The following SLC24A2 variants were observed in gnomAD, a reference collection of about 807,000 sequenced individuals.
SLC24A2 encodes the protein solute carrier family 24 member 2.
Under a neutral mutation model 62.0 loss-of-function variants are expected in SLC24A2, and 36 were observed. That is an observed-to-expected ratio of 0.58 (90% CI 0.44 to 0.77). SLC24A2 has a LOEUF of 0.77. Among genes scored for constraint, SLC24A2 ranks in the 30% least tolerant of loss-of-function variants. The pLI is 0.00. For missense variants in SLC24A2, 846 were observed against 817.9 expected (o/e 1.03, Z -0.42); for synonymous variants, 358 against 294.0 (o/e 1.22, Z -2.23).
the SLC24A2 span, among the ~76,000 whole-genome samples, chr9:19,911,981 AT>A: frequency 6.6e-6 from 1 of 152,266 alleles, no homozygotes; most frequent in East Asian, 1.9e-4. Flanking sequence ...CTAAGGTTTT[AT>A]TTGTTTACTC....
At chr9:20,018,010 G>C in the SLC24A2 span, among the ~76,000 whole-genome samples, 1 of 152,088 alleles carries the variant, frequency 6.6e-6, no homozygotes, top group Admixed American at 6.6e-5. Flanking sequence ...GCAGTGGCAC[G>C]ATCTCGGCTC....
the SLC24A2 span, among the ~76,000 whole-genome samples, chr9:20,295,087 C>T: frequency 2.0e-5 from 3 of 151,634 alleles, no homozygotes; most frequent in African/African-American, 4.8e-5. Context: ...CACACATACA[C>T]AGTGTGTATT....
the SLC24A2 span, among the ~76,000 whole-genome samples, chr9:20,159,946 A>G: frequency 1.3e-5 from 2 of 151,588 alleles, no homozygotes; most frequent in Admixed American, 6.6e-5. Context: ...ATACAGAAAT[A>G]TCAGTAATAA....
the SLC24A2 span, among the ~76,000 whole-genome samples, chr9:19,863,984 CA>C: frequency 6.6e-6 from 1 of 151,446 alleles, no homozygotes; most frequent in Non-Finnish European, 1.5e-5. Context: ...CAAATAAAAC[CA>C]GAGATGAAAA....
At chr9:20,103,622 A>G in the SLC24A2 span, among the ~76,000 whole-genome samples, 1 of 152,206 alleles carries the variant, frequency 6.6e-6, no homozygotes, top group Non-Finnish European at 1.5e-5. Flanking sequence ...ACTCCAAGAG[A>G]CCTGGAGCTG....
At chr9:19,755,402 C>T (rs183448628) in intron 2 of SLC24A2, among the ~76,000 whole-genome samples, 1 of 152,194 alleles carries the variant, frequency 6.6e-6, no homozygotes, top group East Asian at 1.9e-4. Context: ...GTAGAACACC[C>T]CAAATTCTAA....
chr9:19,962,929 C>A, the SLC24A2 span, among the ~76,000 whole-genome samples: 1 of 152,274 alleles, frequency 6.6e-6, no homozygotes, highest in East Asian at 1.9e-4. Context: ...GCATCCCTGT[C>A]TTGTGCCAGT....
chr9:19,750,083 T>C (rs371941836), intron 2 of SLC24A2, among the ~76,000 whole-genome samples: 18 of 152,328 alleles, frequency 1.2e-4, no homozygotes, highest in African/African-American at 4.3e-4. Flanking sequence ...TGCTGGACAC[T>C]GCCGGAGTAC....
intron 2 of SLC24A2, among the ~76,000 whole-genome samples, chr9:19,763,113 T>A (rs1038697809): frequency 3.9e-5 from 6 of 152,160 alleles, no homozygotes; most frequent in Non-Finnish European, 7.3e-5. Flanking sequence ...ATGATTTGGC[T>A]GTTTGTCTAT....
chr9:19,906,279 C>A, the SLC24A2 span, among the ~76,000 whole-genome samples: 2 of 151,468 alleles, frequency 1.3e-5, no homozygotes, highest in African/African-American at 2.4e-5. Flanking sequence ...TTGAAACCAA[C>A]GAGAACAAAG....
At chr9:20,187,178 CT>C in the SLC24A2 span, among the ~76,000 whole-genome samples, 4 of 152,176 alleles carry the variant, frequency 2.6e-5, no homozygotes, top group African/African-American at 9.7e-5. Context: ...GGCTTGGCCC[CT>C]AGCACCATTC....
At chr9:19,592,353 A>C (rs143319294) in intron 5 of SLC24A2, among the ~76,000 whole-genome samples, 93 of 152,316 alleles carry the variant, frequency 6.1e-4, no homozygotes, top group African/African-American at 2.1e-3. Context: ...CTTTTTAAAT[A>C]GTGGTGAAAT....
At chr9:19,826,240 AAAG>A in the SLC24A2 span, among the ~76,000 whole-genome samples, 6 of 152,090 alleles carry the variant, frequency 3.9e-5, no homozygotes, top group African/African-American at 1.4e-4. Flanking sequence ...ATGTTCATTA[AAAG>A]AAGAAAAGAT....
chr9:19,706,264 T>C (rs929548497), intron 2 of SLC24A2, among the ~76,000 whole-genome samples: 1 of 152,038 alleles, frequency 6.6e-6, no homozygotes, highest in African/African-American at 2.4e-5. Flanking sequence ...ACCCCTGCCT[T>C]TTTTTGTTTT....
chr9:19,875,989 A>T, the SLC24A2 span, among the ~76,000 whole-genome samples: 3 of 152,204 alleles, frequency 2.0e-5, no homozygotes, highest in African/African-American at 7.2e-5. Context: ...GGAAAAATGC[A>T]AGAGTTAGTA....
At chr9:19,664,158 G>T (rs960689739) in intron 2 of SLC24A2, among the ~76,000 whole-genome samples, 3 of 152,158 alleles carry the variant, frequency 2.0e-5, no homozygotes, top group Admixed American at 6.5e-5. Context: ...TTGGATTTTG[G>T]TTTGTTTTGT....
the SLC24A2 span, among the ~76,000 whole-genome samples, chr9:20,193,439 A>G: frequency 6.6e-6 from 1 of 152,016 alleles, no homozygotes; most frequent in South Asian, 2.1e-4. Flanking sequence ...ACCACCCAAA[A>G]GAAAGATTAT....
intron 8 of SLC24A2, among the ~76,000 whole-genome samples, chr9:19,530,828 G>C (rs911013906): frequency 6.6e-6 from 1 of 152,092 alleles, no homozygotes; most frequent in African/African-American, 2.4e-5. Flanking sequence ...ATAAGCTAGA[G>C]GTAGATAAAG....
At chr9:20,022,143 G>A in the SLC24A2 span, among the ~76,000 whole-genome samples, 1 of 152,114 alleles carries the variant, frequency 6.6e-6, no homozygotes, top group Non-Finnish European at 1.5e-5. Flanking sequence ...TACTGCTTAT[G>A]TCTTTCTGAA....
Sources: gnomAD v4.1 joint callset for allele counts (sites outside exome capture counted in the v4.1 genomes callset) on GRCh38, gnomAD v4.1.1 for gene constraint, MANE v1.5 for transcripts, NCBI Gene and HGNC (gene_info 2026-07-23, HGNC 2026-07-21) for gene names.